The following GRIN2A variants were observed in gnomAD, a reference collection of about 807,000 sequenced individuals.
GRIN2A encodes the protein glutamate ionotropic receptor NMDA type subunit 2A.
In GRIN2A, 22 loss-of-function variants were observed where a neutral mutation model predicts 113.4. The observed-to-expected ratio is 0.19, with a 90% CI of 0.14 to 0.28. GRIN2A has a LOEUF of 0.28. GRIN2A is among the 10% of genes least tolerant of loss of function. The pLI is 1.00. For synonymous variants in GRIN2A, 827 were observed against 738.4 expected (o/e 1.12, Z -1.94); for missense variants, 1,502 against 1,887.0 (o/e 0.80, Z 3.78).
chr16:9,783,410 T>C (rs1157317641), intron 11 of GRIN2A, among the ~76,000 whole-genome samples: 1 of 152,246 alleles, frequency 6.6e-6, no homozygotes, highest in Non-Finnish European at 1.5e-5. Flanking sequence ...ACACTGTTAT[T>C]ATAGTCAATA....
chr16:9,765,268 A>G (rs1369633367), intron 12 of GRIN2A, among the ~76,000 whole-genome samples: 1 of 152,244 alleles, frequency 6.6e-6, no homozygotes, highest in African/African-American at 2.4e-5. Flanking sequence ...ATATAAGAAC[A>G]GATAACTGAG....
chr16:9,982,383 T>G (rs2045907611), intron 2 of GRIN2A, among the ~76,000 whole-genome samples: 1 of 152,222 alleles, frequency 6.6e-6, no homozygotes, highest in African/African-American at 2.4e-5. Flanking sequence ...CCTGGATCCA[T>G]TAGTTCATTA....
chr16:9,961,903 C>G (rs1479916042), intron 2 of GRIN2A, among the ~76,000 whole-genome samples: 1 of 152,174 alleles, frequency 6.6e-6, no homozygotes, highest in African/African-American at 2.4e-5. Context: ...GTAACCAAAA[C>G]AGCATGGTAC....
chr16:10,103,145 C>G (rs954528599), intron 2 of GRIN2A, among the ~76,000 whole-genome samples: 5 of 151,356 alleles, frequency 3.3e-5, no homozygotes, highest in African/African-American at 1.2e-4. Flanking sequence ...ATACTATCAG[C>G]AGCAACAGCA....
At chr16:9,889,426 TG>T (rs1165728537) in intron 4 of GRIN2A, among the ~76,000 whole-genome samples, 3 of 152,202 alleles carry the variant, frequency 2.0e-5, no homozygotes, top group African/African-American at 7.2e-5. Flanking sequence ...CTTTTGGCTT[TG>T]TTGATTTTTT....
chr16:10,138,111 G>A (rs1056047499), intron 2 of GRIN2A, among the ~76,000 whole-genome samples: 1 of 152,152 alleles, frequency 6.6e-6, no homozygotes, highest in Non-Finnish European at 1.5e-5. Flanking sequence ...TTTCCTCTTG[G>A]CATTAGTAGA....
chr16:9,979,660 G>T (rs1179728138), intron 2 of GRIN2A, among the ~76,000 whole-genome samples: 1 of 151,906 alleles, frequency 6.6e-6, no homozygotes, highest in East Asian at 1.9e-4. Context: ...GACATGAAAA[G>T]ACTGTATCCT....
chr16:10,150,901 T>C (rs2049554159), intron 2 of GRIN2A, among the ~76,000 whole-genome samples: 2 of 152,178 alleles, frequency 1.3e-5, no homozygotes, highest in African/African-American at 2.4e-5. Flanking sequence ...GTCCATCTTG[T>C]TTATGGCTGC....
chr16:10,054,984 G>A (rs1005357393), intron 2 of GRIN2A, among the ~76,000 whole-genome samples: 3 of 140,726 alleles, frequency 2.1e-5, no homozygotes, highest in South Asian at 2.3e-4. Context: ...GGAGGCGGAG[G>A]TTGCAGTGAG....
intron 2 of GRIN2A, among the ~76,000 whole-genome samples, chr16:9,973,481 C>T (rs1392393020): frequency 7.2e-5 from 11 of 152,024 alleles, no homozygotes; most frequent in Admixed American, 5.2e-4. Flanking sequence ...AAAGTTCCTA[C>T]AAGAAAGAGA....
chr16:10,095,579 G>C (rs1051040124), intron 2 of GRIN2A, among the ~76,000 whole-genome samples: 1 of 152,122 alleles, frequency 6.6e-6, no homozygotes. Context: ...TAAGGAATAG[G>C]ATATTTATAT....
At chr16:10,021,131 G>A (rs1431658229) in intron 2 of GRIN2A, among the ~76,000 whole-genome samples, 1 of 151,924 alleles carries the variant, frequency 6.6e-6, no homozygotes, top group Admixed American at 6.6e-5. Flanking sequence ...AGCCTTTGGA[G>A]AGCAGTCACT....
chr16:9,808,906 C>G (rs1478120121), intron 10 of GRIN2A, among the ~76,000 whole-genome samples: 9 of 151,728 alleles, frequency 5.9e-5, no homozygotes, highest in Admixed American at 3.3e-4. Context: ...TAGCCCTCAT[C>G]CCACCCCCCC....
intron 2 of GRIN2A, among the ~76,000 whole-genome samples, chr16:10,167,080 G>A (rs759537930): frequency 6.6e-6 from 1 of 151,950 alleles, no homozygotes; most frequent in Admixed American, 6.6e-5. Flanking sequence ...TAAACTGCAT[G>A]GGGGTTAATG....
At chr16:10,134,738 T>A (rs769605414) in intron 2 of GRIN2A, among the ~76,000 whole-genome samples, 81 of 152,148 alleles carry the variant, frequency 5.3e-4, no homozygotes, top group Non-Finnish European at 9.8e-4. Context: ...TCAAAAACCT[T>A]ATGGGTCTCC....
At chr16:10,034,142 C>T (rs2046980816) in intron 2 of GRIN2A, among the ~76,000 whole-genome samples, 1 of 152,254 alleles carries the variant, frequency 6.6e-6, no homozygotes, top group South Asian at 2.1e-4. Flanking sequence ...TTCTCTGCAA[C>T]CAAATCATAA....
At chr16:9,974,172 C>G (rs570601163) in intron 2 of GRIN2A, among the ~76,000 whole-genome samples, 2 of 152,070 alleles carry the variant, frequency 1.3e-5, no homozygotes, top group South Asian at 4.2e-4. Flanking sequence ...AGAGACAGGC[C>G]CTCTCACATT....
intron 3 of GRIN2A, among the ~76,000 whole-genome samples, chr16:9,917,549 C>T (rs1283807662): frequency 6.6e-6 from 1 of 152,202 alleles, no homozygotes; most frequent in Non-Finnish European, 1.5e-5. Context: ...ATGGAATGCA[C>T]CACTGTTCTA....
chr16:10,022,846 C>A (rs2046751081), intron 2 of GRIN2A, among the ~76,000 whole-genome samples: 1 of 152,168 alleles, frequency 6.6e-6, no homozygotes, highest in Admixed American at 6.5e-5. Context: ...AAAATGCCAA[C>A]AATGACACTG....
Sources: gnomAD v4.1 joint callset for allele counts (sites outside exome capture counted in the v4.1 genomes callset) on GRCh38, gnomAD v4.1.1 for gene constraint, MANE v1.5 for transcripts, NCBI Gene and HGNC (gene_info 2026-07-23, HGNC 2026-07-21) for gene names.